NKAIN3: variants seen among roughly 807,000 people sequenced by gnomAD.
The protein encoded by NKAIN3 is sodium/potassium-transporting ATPase subunit beta-1-interacting protein 3.
Under a neutral mutation model 30.2 loss-of-function variants are expected in NKAIN3, and 25 were observed. That is an observed-to-expected ratio of 0.83 (90% CI 0.60 to 1.16). NKAIN3 has a LOEUF of 1.16. Among genes scored for constraint, NKAIN3 ranks in the 50% most tolerant of loss-of-function variants. The pLI is 0.00. For synonymous variants in NKAIN3, 91 were observed against 89.6 expected, an observed-to-expected ratio of 1.02 and a Z score of -0.09; for missense variants, 225 against 254.1, an observed-to-expected ratio of 0.89 and a Z score of 0.78.
chr8:62,838,066 C>T (rs1018139320), intron 4 of NKAIN3, among the ~76,000 whole-genome samples: 8 of 151,706 alleles, frequency 5.3e-5, no homozygotes, highest in African/African-American at 1.9e-4. Flanking sequence ...GTACTTAAGT[C>T]CTAGGACGTA....
intron 3 of NKAIN3, among the ~76,000 whole-genome samples, chr8:62,620,224 G>C (rs73683343): frequency 0.48 from 72,730 of 151,484 alleles, 20,482 homozygotes; most frequent in African/African-American, 0.79. Context: ...GTGTCCCTGT[G>C]TCTTCAGATG....
intron 4 of NKAIN3, among the ~76,000 whole-genome samples, chr8:62,819,461 C>T (rs1022383035): frequency 6.6e-6 from 1 of 151,982 alleles, no homozygotes; most frequent in African/African-American, 2.4e-5. Flanking sequence ...CAATCATCAA[C>T]ATTTTACGTA....
intron 4 of NKAIN3, among the ~76,000 whole-genome samples, chr8:62,807,470 ACTTT>A (rs1818333100): frequency 6.6e-6 from 1 of 151,330 alleles, no homozygotes; most frequent in Non-Finnish European, 1.5e-5. Context: ...GGACTGATCA[ACTTT>A]CTTCTCTACT....
rs549888960 is a variant in NKAIN3 at position 62,405,143 on chromosome 8, T to C, written c.54+156016T>C. 1.7e-4 allele frequency among the ~76,000 whole-genome samples: 26 copies of C among 152,232 alleles called. No individual in the cohort carries two copies. In the South Asian group the frequency reaches 5.0e-3, roughly 29 times the overall value. On this transcript the variant is annotated intron_variant, in intron 1 of 6. Transcript: ENST00000623646. ...CTAATACCCAAGTTGGAATACAAAG[T>C]CCTCTTTACTTTTCCCTCTCCTCTC... is the stretch of plus-strand genomic sequence containing the variant.
chr8:62,412,596 A>C (rs770650379), intron 1 of NKAIN3, among the ~76,000 whole-genome samples: 1 of 152,050 alleles, frequency 6.6e-6, no homozygotes, highest in Non-Finnish European at 1.5e-5. Context: ...ATCAATAAGC[A>C]AAAAACAAAT....
At chr8:62,455,569 T>C (rs1372947931) in intron 1 of NKAIN3, among the ~76,000 whole-genome samples, 1 of 152,186 alleles carries the variant, frequency 6.6e-6, no homozygotes, top group Non-Finnish European at 1.5e-5. Flanking sequence ...AACTGAGTAC[T>C]ATGCTCACTA....
At chr8:62,289,068 T>C (rs1813481815) in intron 1 of NKAIN3, among the ~76,000 whole-genome samples, 1 of 152,204 alleles carries the variant, frequency 6.6e-6, no homozygotes, top group Non-Finnish European at 1.5e-5. Context: ...TCATATCCTT[T>C]GCCCACTTTT....
chr8:62,936,223 A>T (rs1822783890), intron 5 of NKAIN3, among the ~76,000 whole-genome samples: 1 of 152,146 alleles, frequency 6.6e-6, no homozygotes, highest in Admixed American at 6.5e-5. Context: ...ACTGATTCTG[A>T]AGTCAGGGTT....
At chr8:62,713,935 C>A in intron 3 of NKAIN3, among the ~76,000 whole-genome samples, 1 of 151,914 alleles carries the variant, frequency 6.6e-6, no homozygotes, top group Non-Finnish European at 1.5e-5. Context: ...TATATAAAAC[C>A]ACTAGATTGT....
chr8:62,399,985 GC>G (rs1055535227), intron 1 of NKAIN3, among the ~76,000 whole-genome samples: 2 of 152,078 alleles, frequency 1.3e-5, no homozygotes, highest in Non-Finnish European at 2.9e-5. Flanking sequence ...ATAAGACAAG[GC>G]TCCTGAACAT....
chr8:62,734,014 G>T (rs1815567379), intron 3 of NKAIN3, among the ~76,000 whole-genome samples: 1 of 152,060 alleles, frequency 6.6e-6, no homozygotes, highest in South Asian at 2.1e-4. Context: ...GGGTATAGTG[G>T]TTCACACCTG....
At chr8:62,262,922 G>T (rs1199181411) in intron 1 of NKAIN3, among the ~76,000 whole-genome samples, 4 of 152,228 alleles carry the variant, frequency 2.6e-5, no homozygotes, top group African/African-American at 7.2e-5. Flanking sequence ...TTTGATTAAA[G>T]ATATAAGTAA....
At chr8:62,851,846 G>T (rs1338812883) in intron 4 of NKAIN3, among the ~76,000 whole-genome samples, 2 of 152,188 alleles carry the variant, frequency 1.3e-5, no homozygotes, top group Non-Finnish European at 2.9e-5. Context: ...TGTGCTGCTG[G>T]ATTCGGTTTG....
At chr8:62,918,597 G>A (rs183786799) in intron 5 of NKAIN3, 84 bp downstream of exon 5, 6 of 904,604 alleles carry the variant, frequency 6.6e-6, no homozygotes. Flanking sequence ...GCTATGAAAT[G>A]AAATCTTTTA....
intron 1 of NKAIN3, among the ~76,000 whole-genome samples, chr8:62,453,074 T>C (rs1277207016): frequency 6.6e-6 from 1 of 152,206 alleles, no homozygotes; most frequent in Non-Finnish European, 1.5e-5. Context: ...TATGTGTTTG[T>C]TTTACTTGTA....
chr8:62,665,500 A>G (rs1813071242), intron 3 of NKAIN3, among the ~76,000 whole-genome samples: 1 of 152,266 alleles, frequency 6.6e-6, no homozygotes, highest in African/African-American at 2.4e-5. Context: ...TATGCAAATT[A>G]AGACCACTTT....
intron 1 of NKAIN3, among the ~76,000 whole-genome samples, chr8:62,363,578 C>T (rs1816631216): frequency 6.6e-6 from 1 of 152,088 alleles, no homozygotes; most frequent in Admixed American, 6.6e-5. Flanking sequence ...TTGTAGAGTG[C>T]TTCTCAAATG....
chr8:62,512,267 C>T (rs1201550514), intron 1 of NKAIN3, among the ~76,000 whole-genome samples: 4 of 152,102 alleles, frequency 2.6e-5, no homozygotes, highest in Non-Finnish European at 4.4e-5. Context: ...TGATGGAAGA[C>T]TGTGTGTTTG....
At chr8:62,316,286 T>A (rs180947872) in intron 1 of NKAIN3, among the ~76,000 whole-genome samples, 79 of 152,284 alleles carry the variant, frequency 5.2e-4, no homozygotes, top group Middle Eastern at 6.8e-3. Flanking sequence ...ATTTTGGATT[T>A]TTTTTTATTA....
Sources: allele counts gnomAD v4.1 joint callset (sites outside exome capture counted in the v4.1 genomes callset), GRCh38; gene constraint gnomAD v4.1.1; transcripts MANE v1.5; gene names NCBI Gene and HGNC (gene_info 2026-07-23, HGNC 2026-07-21).